GGCX: variants seen among roughly 807,000 people sequenced by gnomAD.
GGCX encodes gamma-glutamyl carboxylase.
In GGCX, 63 loss-of-function variants were observed where a neutral mutation model predicts 88.5. The observed-to-expected ratio is 0.71, with a 90% CI of 0.58 to 0.88. The LOEUF (loss-of-function observed/expected upper bound fraction) is 0.88, where lower values mean the gene tolerates loss of function less well. GGCX is among the 40% of genes least tolerant of loss of function. The pLI is 0.00. For missense variants in GGCX, 805 were observed against 932.9 expected (o/e 0.86, Z 1.79); for synonymous variants, 368 against 365.8 (o/e 1.01, Z -0.07).
At chr2:85,552,285 C>T in intron 10 of GGCX, 131 bp downstream of exon 10, 1 of 934,736 alleles carries the variant, frequency 1.1e-6, no homozygotes, top group Non-Finnish European at 1.7e-6. Context: ...TGCCCACAAC[C>T]AGATCAAGGG....
intron 2 of GGCX, among the ~76,000 whole-genome samples, chr2:85,560,112 C>T (rs781475742): frequency 2.0e-4 from 30 of 152,182 alleles, no homozygotes; most frequent in Non-Finnish European, 4.1e-4. Context: ...ACTAATATCT[C>T]TGCACATCTG....
intron 10 of GGCX, 67 bp downstream of exon 10, chr2:85,552,349 A>G: frequency 1.4e-6 from 2 of 1,399,902 alleles, no homozygotes; most frequent in Admixed American, 1.7e-5. Context: ...CCAGGAAGCA[A>G]GGGCTGTTCA....
intron 12 of GGCX, 25 bp downstream of exon 12, chr2:85,551,455 G>A (rs764661229): frequency 1.2e-6 from 2 of 1,611,952 alleles, no homozygotes; most frequent in Non-Finnish European, 8.5e-7. Context: ...AGTTCTTTCT[G>A]CTGTTGTTAA....
chr2:85,550,000 T>A lies in GGCX; in HGVS notation c.2211A>T (p.Ser737=). Residue 737 remains serine, a synonymous_variant, in exon 15 of 15, where the codon TCA becomes TCT. Coordinates refer to ENST00000233838, the MANE Select transcript of GGCX (RefSeq NM_000821.7). ...PFEAVGELNP[S]NTDSSHSNPP... is the part of the protein sequence containing the mutation. ...GATTAGAATGTGAAGAATCCGTGTT[T>A]GAGGGATTCAGTTCTCCAACTGCCT... The A allele has an allele frequency of 3.1e-6, 5 of 1,613,318 alleles. No homozygotes were observed. The highest frequency in any genetic ancestry group is 3.4e-6 in the Non-Finnish European group (4 of 1,179,270).
At chr2:85,561,058 A>G (rs1692427586) in intron 1 of GGCX, 73 bp from the exon 2 acceptor site, 6 of 1,281,610 alleles carry the variant, frequency 4.7e-6, no homozygotes, top group South Asian at 3.5e-5. Context: ...TCACTGCACC[A>G]ACAGCTCAGA....
chr2:85,550,240 G>T lies in GGCX; in HGVS notation c.2085-114C>A, dbSNP rs77336325. ...ACTCCTCCCACACAGGCATATATGGGAATCTCCCCCCAAGTGACCCTCCAT... is the reference window on the plus strand; with the variant it reads ...ACTCCTCCCACACAGGCATATATGGTAATCTCCCCCCAAGTGACCCTCCAT... On this transcript the variant is annotated intron_variant, in intron 14 of 14. Transcript: ENST00000233838. 2.2e-4 allele frequency: 173 copies of T among 778,498 alleles called. 1 individual carries two copies. The African/African-American group carries it at 2.7e-3, about 12-fold the overall frequency. 48.2% of individuals were successfully genotyped at this position (778,498 alleles called of 1,614,324 possible).
rs1691949311 is a variant in GGCX at position 85,551,466 on chromosome 2, T to C, written c.1740+14A>G. ...ACTCAGTTCTTTCTGCTGTTGTTAA[T>C]CCCAGCAAAATACCTGCATTTTTTC... On this transcript the variant is annotated intron_variant, in intron 12 of 14. Transcript: ENST00000233838. 4 of 1,613,504 alleles carry C rather than the reference T, an allele frequency of 2.5e-6. No homozygotes were observed. The highest frequency in any genetic ancestry group is 1.7e-4 in the Middle Eastern group (1 of 6,060).
At chr2:85,559,208 T>TA in intron 2 of GGCX, 133 bp from the exon 3 acceptor site, 1 of 775,040 alleles carries the variant, frequency 1.3e-6, no homozygotes, top group Non-Finnish European at 2.2e-6. Context: ...ATTTATTCAG[T>TA]ATTAATTATT....
chr2:85,555,315 A>T (rs1205409221), intron 6 of GGCX, 169 bp downstream of exon 6: 6 of 600,214 alleles, frequency 1.0e-5, no homozygotes, highest in African/African-American at 3.7e-5. Flanking sequence ...GCTAGGGCTC[A>T]ATCTTTTGAT....
rs554571935 is a variant in GGCX at position 85,551,948 on chromosome 2, G to A, written c.1473C>T (p.Ala491=). The A allele has an allele frequency of 5.4e-5, 87 of 1,613,950 alleles. No individual in the cohort carries two copies. The highest frequency in any genetic ancestry group is 6.4e-5 in the Non-Finnish European group (75 of 1,179,878). ...IFDPRVDIVQ[A]AWSPFQRTSW... ...ATGTGCGCTGAAAGGGTGACCAAGC[G>A]GCCTGCACGATGTCCACACGAGGGT... The change falls in exon 11 of 15, where the codon GCC becomes GCT. Residue 491 remains alanine (A), a synonymous_variant. Coordinates refer to ENST00000233838, the MANE Select transcript of GGCX (RefSeq NM_000821.7).
intron 6 of GGCX, chr2:85,554,623 G>A (rs1692127270): frequency 9.9e-6 from 4 of 404,942 alleles, no homozygotes; most frequent in Non-Finnish European, 1.4e-5. Flanking sequence ...GTGCCACCAC[G>A]CCTAGCTGTT....
rs1691953762 is a variant in GGCX at position 85,551,533 on chromosome 2, CCA to C, written c.1685_1686del (p.Val562GlyfsTer23). 6.2e-7 allele frequency: 1 copy of C among 1,614,034 alleles called. No individual in the cohort carries two copies. ...SIQLLQGEVT[V>X]ELVAEQKNQT... is the part of the protein sequence containing the mutation. ...TGGTTCTTCTGTTCTGCCACAAGCT[CCA>C]CAGTCACTTCCCCCTGCAGCAGCTG... On this transcript the variant is annotated frameshift_variant, in exon 12 of 15. Coordinates refer to ENST00000233838, the MANE Select transcript of GGCX (RefSeq NM_000821.7). LOFTEE classifies it high-confidence loss of function.
At position 85,553,320 on chromosome 2, in the gene GGCX, G is replaced by C; in HGVS notation, c.1067C>G (p.Pro356Arg). The C allele has an allele frequency of 6.2e-7, 1 of 1,614,242 alleles. No homozygotes were observed. The highest frequency in any genetic ancestry group is 8.5e-7 in the Non-Finnish European group (1 of 1,180,028). ...AGCTCCCAGCTGATGGCGCAGCCCT[G>C]GCTTCTGGCCACTTTTGCCCCGGCT... ...KRSRGKSGQK[P>R]GLRHQLGAAF... The change falls in exon 8 of 15, where the codon CCA becomes CGA. Residue 356 changes from proline (P) to arginine (R), a missense_variant. Coordinates refer to ENST00000233838, the MANE Select transcript of GGCX (RefSeq NM_000821.7).
chr2:85,553,056 C>T lies in GGCX; in HGVS notation c.1170G>A (p.Trp390Ter). The T allele has an allele frequency of 6.2e-7, 1 of 1,614,184 alleles. No homozygotes were observed. Reference sequence around the variant, plus strand: ...AGGAATAGCCATACAGCCCATTTGTCCAGTTGTTATAGCCCTGGGAAGGCA... The same window carrying T: ...AGGAATAGCCATACAGCCCATTTGTTCAGTTGTTATAGCCCTGGGAAGGCA... ...SHFLTQGYNN[W>*]TNGLYGYSWD... The change falls in exon 9 of 15, where the codon TGG becomes TGA. Residue 390 changes from tryptophan to a stop codon, truncating the protein, a stop_gained. Coordinates refer to ENST00000233838, the MANE Select transcript of GGCX (RefSeq NM_000821.7). LOFTEE classifies it high-confidence loss of function.
chr2:85,557,432 G>A (rs1443974761), intron 4 of GGCX, among the ~76,000 whole-genome samples: 1 of 152,198 alleles, frequency 6.6e-6, no homozygotes, highest in Non-Finnish European at 1.5e-5. Context: ...AGGCTGCAGT[G>A]AGCTATGATC....
intron 7 of GGCX, 99 bp downstream of exon 7, chr2:85,554,044 C>T (rs1378035141): frequency 6.3e-6 from 6 of 958,718 alleles, no homozygotes; most frequent in Non-Finnish European, 8.6e-6. Context: ...AATTTAGCTC[C>T]TGCTCACACC....
At position 85,549,033 on chromosome 2, in the gene GGCX, T is replaced by A. The variant is rs900900117; in HGVS notation, c.*901A>T. The A allele has an allele frequency of 6.6e-6, 1 of 152,196 alleles. No homozygotes were observed. The highest frequency in any genetic ancestry group is 1.5e-5 in the Non-Finnish European group (1 of 68,036). 9.4% of individuals were successfully genotyped at this position (152,196 alleles called of 1,614,324 possible). ...AACAAAGAAGGAACCAAAATTGCAATGAAGATAAATTACTTTGTGTGCATT... is the reference window on the plus strand; with the variant it reads ...AACAAAGAAGGAACCAAAATTGCAAAGAAGATAAATTACTTTGTGTGCATT... On this transcript the variant is annotated 3_prime_UTR_variant, in exon 15 of 15. Transcript: ENST00000233838.
rs1692301940 is a variant in GGCX at position 85,558,539 on chromosome 2, C to G, written c.440G>C (p.Trp147Ser). 27 of 1,612,824 alleles carry G rather than the reference C, an allele frequency of 1.7e-5. No individual in the cohort carries two copies. The highest frequency in any genetic ancestry group is 2.3e-5 in the Non-Finnish European group (27 of 1,178,936). The part of the protein sequence containing the change: ...ISCVLFLLPY[W>S]YVFLLDKTSW... The stretch of plus-strand genomic sequence containing the variant: ...TGTCTTGTCCAGGAGAAACACATAC[C>G]AGTATGGCAGCAGGAATAACACACA... The change falls in exon 4 of 15, where the codon TGG (tryptophan) becomes TCG (serine). Residue 147 changes from tryptophan (W) to serine (S), a missense_variant. Transcript: ENST00000233838.
In GGCX at chr2:85,549,783, T is replaced by A; in HGVS notation, c.*151A>T. 1.5e-6 allele frequency: 1 copy of A among 655,040 alleles called. No individual in the cohort carries two copies. The allele number at this position is 655,040 out of a possible 1,614,324, so 40.6% of individuals were successfully genotyped here. Reference sequence around the variant, plus strand: ...GCTTTATTTCCTTGGTTCCTCTAAGTTGTAATCTCGGAGTTAAAAACAGCT... The same window carrying A: ...GCTTTATTTCCTTGGTTCCTCTAAGATGTAATCTCGGAGTTAAAAACAGCT... On this transcript the variant is annotated 3_prime_UTR_variant, in exon 15 of 15. Coordinates refer to ENST00000233838, the MANE Select transcript of GGCX (RefSeq NM_000821.7).
Sources: gnomAD v4.1 joint callset for allele counts (sites outside exome capture counted in the v4.1 genomes callset) on GRCh38, gnomAD v4.1.1 for gene constraint, MANE v1.5 for transcripts, NCBI Gene and HGNC (gene_info 2026-07-23, HGNC 2026-07-21) for gene names.